CHIC1: variants seen among roughly 807,000 people sequenced by gnomAD.
The protein encoded by CHIC1 is cysteine rich hydrophobic domain 1, also known as cysteine-rich hydrophobic domain-containing protein 1.
In CHIC1, 7 loss-of-function variants were observed where a neutral mutation model predicts 18.5. The observed-to-expected ratio is 0.38, with a 90% CI of 0.22 to 0.71. The LOEUF (loss-of-function observed/expected upper bound fraction) is 0.71. Among genes scored for constraint, CHIC1 ranks in the 30% least tolerant of loss-of-function variants. The pLI, the probability that CHIC1 is intolerant of heterozygous loss-of-function variation, is 0.49. For synonymous variants in CHIC1, 77 were observed against 73.5 expected, an observed-to-expected ratio of 1.05 and a Z score of -0.25; for missense variants, 159 against 176.9, an observed-to-expected ratio of 0.90 and a Z score of 0.57.
chrX:73,602,851 T>C (rs1205218980), intron 3 of CHIC1, among the ~76,000 whole-genome samples: 2 of 108,694 alleles, frequency 1.8e-5, no homozygotes, highest in Non-Finnish European at 3.8e-5. Context: ...TTTATAAGGC[T>C]TCTGTTCTGT....
chrX:73,641,787 C>G (rs747845365), intron 3 of CHIC1, among the ~76,000 whole-genome samples: 1 of 109,856 alleles, frequency 9.1e-6, no homozygotes, highest in Non-Finnish European at 1.9e-5. Context: ...TTTGTTCTTG[C>G]GATGGTTTAC....
chrX:73,652,265 C>T (rs1408239419), intron 3 of CHIC1, among the ~76,000 whole-genome samples: 1 of 111,988 alleles, frequency 8.9e-6, no homozygotes, highest in Non-Finnish European at 1.9e-5. Context: ...AAATGTAAAT[C>T]CCAAAACCAT....
rs1348734475 is a variant in CHIC1 at position 73,679,402 on chromosome X, T to A, written c.564+20T>A. 5 of 1,014,917 alleles carry A rather than the reference T, an allele frequency of 4.9e-6. No individual in the cohort carries two copies. Among genetic ancestry groups the A allele is most frequent in the Non-Finnish European group, 5.5e-6 (4 of 728,454 alleles). The allele number at this position is 1,014,917 out of a possible 1,213,427, so 83.6% of individuals were successfully genotyped here. A position where few individuals can be genotyped will look rare whatever the true frequency, so the allele number is the denominator to read the frequency against. ...CACAAGGTAAGAAATTTTAAGCACATAAGTGCCCCATTCATATATTTGCAG... is the reference window on the plus strand; with the variant it reads ...CACAAGGTAAGAAATTTTAAGCACAAAAGTGCCCCATTCATATATTTGCAG... On this transcript the variant is annotated intron_variant, in intron 4 of 5. Transcript: ENST00000373502.
chrX:73,620,283 T>C (rs141012767), intron 3 of CHIC1, among the ~76,000 whole-genome samples: 43 of 112,213 alleles, frequency 3.8e-4, no homozygotes, highest in Non-Finnish European at 3.8e-5. Context: ...ATCACCACAC[T>C]GTCTTCCACA....
intron 3 of CHIC1, among the ~76,000 whole-genome samples, chrX:73,630,023 G>A (rs897372073): frequency 1.8e-5 from 2 of 111,530 alleles, no homozygotes. Context: ...GTCAGCTATT[G>A]TAAACTGAAT....
At chrX:73,618,515 T>C (rs898407296) in intron 3 of CHIC1, among the ~76,000 whole-genome samples, 1 of 111,071 alleles carries the variant, frequency 9.0e-6, no homozygotes, top group Admixed American at 9.5e-5. Context: ...GGGATTATGG[T>C]TGCCTCTGCT....
intron 3 of CHIC1, among the ~76,000 whole-genome samples, chrX:73,666,378 A>C (rs1307960924): frequency 8.9e-6 from 1 of 112,227 alleles, no homozygotes; most frequent in Non-Finnish European, 1.9e-5. Context: ...GTCCCAAAAC[A>C]GAAGAACTTG....
chrX:73,603,275 G>A (rs181265322), intron 3 of CHIC1, among the ~76,000 whole-genome samples: 1 of 108,093 alleles, frequency 9.3e-6, no homozygotes, highest in Non-Finnish European at 1.9e-5. Context: ...AATTGTGAAT[G>A]GGAGTTCACT....
At chrX:73,567,080 T>A (rs1016547268) in intron 1 of CHIC1, among the ~76,000 whole-genome samples, 2 of 111,443 alleles carry the variant, frequency 1.8e-5, no homozygotes, top group African/African-American at 6.5e-5. Flanking sequence ...TGTTCATTCA[T>A]GGGCTTCTCT....
At chrX:73,589,279 G>A (rs1296374272) in intron 3 of CHIC1, among the ~76,000 whole-genome samples, 1 of 110,531 alleles carries the variant, frequency 9.0e-6, no homozygotes, top group Non-Finnish European at 1.9e-5. Context: ...ACATAAGGAA[G>A]GACTTCCACT....
chrX:73,591,093 C>T (rs748441604), intron 3 of CHIC1, among the ~76,000 whole-genome samples: 18 of 111,654 alleles, frequency 1.6e-4, no homozygotes, highest in African/African-American at 5.5e-4. Flanking sequence ...TCTTCATCAA[C>T]GTTTGGTGTT....
intron 3 of CHIC1, among the ~76,000 whole-genome samples, chrX:73,625,153 A>G (rs190077806): frequency 2.6e-4 from 29 of 110,699 alleles, no homozygotes; most frequent in African/African-American, 9.2e-4. Context: ...AAGCCTCTCA[A>G]TTTTGCAAGT....
intron 3 of CHIC1, among the ~76,000 whole-genome samples, chrX:73,636,569 G>A (rs905042337): frequency 5.4e-5 from 6 of 111,216 alleles, no homozygotes; most frequent in African/African-American, 2.0e-4. Context: ...TTTTCTTCAT[G>A]TCTTATAACT....
chrX:73,625,990 C>T (rs1044204800), intron 3 of CHIC1, among the ~76,000 whole-genome samples: 1 of 110,807 alleles, frequency 9.0e-6, no homozygotes, highest in Non-Finnish European at 1.9e-5. Context: ...GGTCGGGGGT[C>T]TCCTCAGTAT....
In CHIC1 at chrX:73,686,797, C is replaced by T. The variant is rs1379060807; in HGVS notation, c.*5792C>T. ...CTGGTGGAGAAGCCTAGGATTTCAA[C>T]TTTTTGTCAGAGGATTCCTGTTGGG... On this transcript the variant is annotated 3_prime_UTR_variant, in exon 6 of 6. Transcript: ENST00000373502. 2.7e-5 allele frequency: 3 copies of T among 111,503 alleles called. No homozygotes were observed. Among genetic ancestry groups the T allele is most frequent in the African/African-American group, 9.8e-5 (3 of 30,744 alleles). The allele number at this position is 111,503 out of a possible 1,213,427, so 9.2% of individuals were successfully genotyped here.
intron 3 of CHIC1, among the ~76,000 whole-genome samples, chrX:73,673,535 T>C (rs930039550): frequency 1.8e-5 from 2 of 111,994 alleles, no homozygotes; most frequent in Non-Finnish European, 3.8e-5. Flanking sequence ...TTACTCATGA[T>C]TTGGCTCTCT....
At chrX:73,635,236 G>A (rs751622500) in intron 3 of CHIC1, among the ~76,000 whole-genome samples, 2 of 111,674 alleles carry the variant, frequency 1.8e-5, no homozygotes, top group Non-Finnish European at 3.8e-5. Flanking sequence ...CATCATACTC[G>A]ATCATGGTTT....
intron 3 of CHIC1, among the ~76,000 whole-genome samples, chrX:73,600,889 A>G (rs2057643576): frequency 9.3e-6 from 1 of 107,900 alleles, no homozygotes. Context: ...GAAAACAAAA[A>G]AAAAGGCAGG....
At chrX:73,675,819 C>A (rs1239351214) in intron 3 of CHIC1, among the ~76,000 whole-genome samples, 1 of 110,818 alleles carries the variant, frequency 9.0e-6, no homozygotes, top group East Asian at 2.8e-4. Context: ...GCAGTTTCTT[C>A]CTAGCCTCAA....
Sources: allele counts gnomAD v4.1 joint callset (sites outside exome capture counted in the v4.1 genomes callset), GRCh38; gene constraint gnomAD v4.1.1; transcripts MANE v1.5; gene names NCBI Gene and HGNC (gene_info 2026-07-23, HGNC 2026-07-21).